Variants in TMEM87A observed in about 807,000 individuals in gnomAD.
TMEM87A encodes transmembrane protein 87A, also known as Golgi-pH regulating cation channel.
In TMEM87A, 50 loss-of-function variants were observed where a neutral mutation model predicts 90.0. The ratio of observed to expected loss-of-function variants is 0.56; its 90% confidence interval spans 0.44 to 0.70. The LOEUF (loss-of-function observed/expected upper bound fraction) is 0.70, where lower values mean the gene tolerates loss of function less well. Ranked by LOEUF, TMEM87A falls within the 30% of genes least tolerant of loss-of-function variation. TMEM87A has a pLI of 0.00. For synonymous variants in TMEM87A, 226 were observed against 226.7 expected, an observed-to-expected ratio of 1.00 and a Z score of 0.03; for missense variants, 577 against 660.5, an observed-to-expected ratio of 0.87 and a Z score of 1.39.
chr15:42,255,833 G>A (rs1053195073), intron 6 of TMEM87A, among the ~76,000 whole-genome samples: 6 of 149,764 alleles, frequency 4.0e-5, no homozygotes, highest in African/African-American at 1.5e-4. Context: ...ACAACGGAAC[G>A]ATCTTGGCTC....
chr15:42,226,371 CA>C (rs1461908292), intron 15 of TMEM87A, among the ~76,000 whole-genome samples: 1 of 150,574 alleles, frequency 6.6e-6, no homozygotes, highest in African/African-American at 2.4e-5. Context: ...ATTTTTTAGA[CA>C]TAATGCTATT....
chr15:42,250,189 C>T (rs924781741), intron 6 of TMEM87A, among the ~76,000 whole-genome samples: 3 of 152,208 alleles, frequency 2.0e-5, no homozygotes, highest in African/African-American at 7.2e-5. Flanking sequence ...ATCCTGAATA[C>T]AGCACACCAA....
chr15:42,250,604 T>A (rs1485629729), intron 6 of TMEM87A, among the ~76,000 whole-genome samples: 1 of 149,932 alleles, frequency 6.7e-6, no homozygotes, highest in Non-Finnish European at 1.5e-5. Flanking sequence ...ACTAACAGAT[T>A]GTCTGTTAGT....
intron 1 of TMEM87A, among the ~76,000 whole-genome samples, chr15:42,272,472 A>G (rs1299593079): frequency 6.6e-6 from 1 of 152,268 alleles, no homozygotes; most frequent in Non-Finnish European, 1.5e-5. Context: ...AGATTTGGAC[A>G]TTACAGTCAG....
chr15:42,262,479 G>A (rs1477057260), intron 4 of TMEM87A, among the ~76,000 whole-genome samples: 7 of 127,466 alleles, frequency 5.5e-5, no homozygotes, highest in Admixed American at 8.9e-5. Context: ...CACTCTTGTC[G>A]CCCAGGCTGG....
chr15:42,264,156 G>A lies in TMEM87A; in HGVS notation c.339C>T (p.Gly113=), dbSNP rs749059512. The A allele has an allele frequency of 1.2e-6, 2 of 1,613,698 alleles. No homozygotes were observed. The highest frequency in any genetic ancestry group is 1.7e-6 in the Non-Finnish European group (2 of 1,179,854). ...ATGATGTTTGATATTTCCCAGACAA[G>A]CCTCTTTTTTCCTTAAGTTTTTCCA... is the stretch of plus-strand genomic sequence containing the variant. ...LYLEKLKEKR[G]LSGKYQTSSK... Residue 113 remains glycine (G), a synonymous_variant, in exon 4 of 20, where the codon GGC becomes GGT. Transcript: ENST00000389834.
At chr15:42,262,724 C>A (rs145532026) in intron 4 of TMEM87A, among the ~76,000 whole-genome samples, 45 of 152,250 alleles carry the variant, frequency 3.0e-4, no homozygotes, top group African/African-American at 1.0e-3. Context: ...GCCTCAATTA[C>A]CAATGACTAA....
chr15:42,219,836 T>G (rs1403559205), intron 16 of TMEM87A, among the ~76,000 whole-genome samples, 194 bp from the exon 17 acceptor site: 1 of 152,158 alleles, frequency 6.6e-6, no homozygotes, highest in East Asian at 1.9e-4. Flanking sequence ...GCTGGGAAGT[T>G]CAAAGCAAAA....
At chr15:42,217,945 A>T (rs1393178352) in intron 18 of TMEM87A, 112 bp from the exon 19 acceptor site, 1 of 1,020,004 alleles carries the variant, frequency 9.8e-7, no homozygotes, top group African/African-American at 1.6e-5. Flanking sequence ...TAAGATTTGC[A>T]TTTTATTAAT....
chr15:42,264,053 C>T (rs1423910975), intron 4 of TMEM87A, 37 bp downstream of exon 4: 6 of 1,518,288 alleles, frequency 4.0e-6, no homozygotes, highest in South Asian at 3.5e-5. Flanking sequence ...CCAATTTTTG[C>T]CTATTCTATT....
chr15:42,228,910 C>A, intron 12 of TMEM87A, 90 bp from the exon 13 acceptor site: 1 of 869,454 alleles, frequency 1.2e-6, no homozygotes, highest in East Asian at 2.6e-5. Context: ...TGGGGTCATG[C>A]CAATAAACTT....
Position 42,268,048 on chromosome 15 carries a change from T to A in TMEM87A, c.206-16A>T. On this transcript the variant is annotated splice_polypyrimidine_tract_variant and intron_variant, in intron 2 of 19. Coordinates refer to ENST00000389834, the MANE Select transcript of TMEM87A (RefSeq NM_015497.5). The stretch of plus-strand genomic sequence containing the variant: ...TCTCCATCAACTACAAAAGAAGAAA[T>A]CTTTGTTAACAAAAGATAATTCCCC... 6.2e-7 allele frequency: 1 copy of A among 1,602,906 alleles called. No homozygotes were observed. Among genetic ancestry groups the A allele is most frequent in the South Asian group, 1.1e-5 (1 of 90,314 alleles).
At chr15:42,224,129 G>GT (rs1490622071) in intron 15 of TMEM87A, among the ~76,000 whole-genome samples, 2 of 152,286 alleles carry the variant, frequency 1.3e-5, no homozygotes, top group Non-Finnish European at 2.9e-5. Context: ...GGCTGACAGT[G>GT]TAACAGTATG....
intron 12 of TMEM87A, among the ~76,000 whole-genome samples, chr15:42,230,194 G>A (rs372710272): frequency 1.3e-5 from 2 of 152,186 alleles, no homozygotes; most frequent in South Asian, 2.1e-4. Flanking sequence ...TTACAGAGCC[G>A]TAGCTGTTAC....
intron 6 of TMEM87A, among the ~76,000 whole-genome samples, chr15:42,244,770 A>T (rs552245318): frequency 4.8e-5 from 7 of 145,172 alleles, no homozygotes; most frequent in African/African-American, 1.8e-4. Context: ...AGGGGTAGTG[A>T]CTCTTGCTTT....
intron 1 of TMEM87A, among the ~76,000 whole-genome samples, chr15:42,272,327 C>T (rs1180058321): frequency 6.6e-6 from 1 of 152,062 alleles, no homozygotes; most frequent in Non-Finnish European, 1.5e-5. Context: ...GTGCAAATAA[C>T]CAGAGTTTTA....
chr15:42,221,678 T>C (rs1430748799), intron 15 of TMEM87A, among the ~76,000 whole-genome samples: 1 of 152,004 alleles, frequency 6.6e-6, no homozygotes, highest in Non-Finnish European at 1.5e-5. Flanking sequence ...GAGTCTAGCC[T>C]AGGCAACATA....
intron 15 of TMEM87A, among the ~76,000 whole-genome samples, chr15:42,223,595 T>C (rs2050535820): frequency 6.6e-6 from 1 of 152,190 alleles, no homozygotes; most frequent in East Asian, 1.9e-4. Flanking sequence ...GAGTGGGCTC[T>C]CCCTTTTGCC....
intron 5 of TMEM87A, 53 bp from the exon 6 acceptor site, chr15:42,261,055 C>T (rs1461115887): frequency 6.4e-7 from 1 of 1,568,050 alleles, no homozygotes; most frequent in Non-Finnish European, 8.7e-7. Context: ...TTGTTTTTAG[C>T]TGCCCAAGTT....
Sources: allele counts gnomAD v4.1 joint callset (sites outside exome capture counted in the v4.1 genomes callset), GRCh38; gene constraint gnomAD v4.1.1; transcripts MANE v1.5; gene names NCBI Gene and HGNC (gene_info 2026-07-23, HGNC 2026-07-21).